The following ADGRA3 variants were observed in gnomAD, a reference collection of about 807,000 sequenced individuals.
ADGRA3 encodes the protein G-protein coupled receptor 125.
In ADGRA3, 56 loss-of-function variants were observed where a neutral mutation model predicts 119.8. The observed-to-expected ratio is 0.47, with a 90% CI of 0.38 to 0.58. The LOEUF (loss-of-function observed/expected upper bound fraction) is 0.58. ADGRA3 is among the 20% of genes least tolerant of loss of function. The probability of loss-of-function intolerance (pLI) is 0.00; values close to 1 mark genes in which losing one functional copy is unlikely to be tolerated. For missense variants in ADGRA3, 1,516 were observed against 1,649.0 expected, an observed-to-expected ratio of 0.92 and a Z score of 1.40; for synonymous variants, 607 against 623.8, an observed-to-expected ratio of 0.97 and a Z score of 0.40.
chr4:22,450,250 C>T (rs1716985652), intron 4 of ADGRA3, among the ~76,000 whole-genome samples: 1 of 151,510 alleles, frequency 6.6e-6, no homozygotes, highest in African/African-American at 2.4e-5. Context: ...ACCCACCCAC[C>T]CCCATCCTTT....
chr4:22,461,939 T>G, intron 2 of ADGRA3, 131 bp from the exon 3 acceptor site: 1 of 508,478 alleles, frequency 2.0e-6, no homozygotes, highest in Non-Finnish European at 3.5e-6. Context: ...CCAAAAGGGT[T>G]AAGCCAAGAT....
chr4:22,409,368 T>G (rs1322845346), intron 14 of ADGRA3, among the ~76,000 whole-genome samples: 1 of 152,136 alleles, frequency 6.6e-6, no homozygotes, highest in East Asian at 1.9e-4. Context: ...AACATAATAT[T>G]CAGAGATAAG....
chr4:22,401,359 C>A, intron 16 of ADGRA3, 72 bp downstream of exon 16: 1 of 1,358,748 alleles, frequency 7.4e-7, no homozygotes, highest in Non-Finnish European at 1.0e-6. Context: ...ATGATTTTTT[C>A]TTTTTATAGT....
chr4:22,410,709 A>G (rs1041715208), intron 14 of ADGRA3, among the ~76,000 whole-genome samples: 2 of 152,136 alleles, frequency 1.3e-5, no homozygotes, highest in African/African-American at 4.8e-5. Context: ...AATCCTAAAC[A>G]TAACTTTACC....
intron 15 of ADGRA3, among the ~76,000 whole-genome samples, chr4:22,402,106 T>C (rs1040022768): frequency 1.3e-5 from 2 of 152,212 alleles, no homozygotes; most frequent in Non-Finnish European, 2.9e-5. Context: ...AGACACATTC[T>C]AGCAAAACGT....
chr4:22,442,974 T>C, intron 6 of ADGRA3, 111 bp from the exon 7 acceptor site: 1 of 824,378 alleles, frequency 1.2e-6, no homozygotes, highest in Non-Finnish European at 2.0e-6. Flanking sequence ...CAAATATTCC[T>C]CAATAATCAG....
chr4:22,497,319 G>A (rs1045612062), intron 1 of ADGRA3, among the ~76,000 whole-genome samples: 1 of 151,842 alleles, frequency 6.6e-6, no homozygotes, highest in African/African-American at 2.4e-5. Flanking sequence ...GTATGTGTGT[G>A]TATTTGTATA....
At chr4:22,425,051 G>A (rs904978499) in intron 10 of ADGRA3, among the ~76,000 whole-genome samples, 2 of 150,478 alleles carry the variant, frequency 1.3e-5, no homozygotes, top group Non-Finnish European at 2.9e-5. Context: ...CTCTAGCCTG[G>A]ACAACAGAGT....
In ADGRA3 at chr4:22,388,917, T is replaced by C. The variant is rs1295299268; in HGVS notation, c.2754A>G (p.Gly918=). The change falls in exon 19 of 19, where the codon GGA becomes GGG. Residue 918 remains glycine, a synonymous_variant. Transcript: ENST00000334304. ...TGAAGCTGGCTGGCCCATAGAAGGC[T>C]CCCAAGGAGGGTTCCCATGCCATCC... ...YCWMAWEPSL[G]AFYGPASFIT... is the part of the protein sequence containing the mutation. 6.2e-7 allele frequency: 1 copy of C among 1,613,934 alleles called. No homozygotes were observed.
chr4:22,438,126 A>C, intron 8 of ADGRA3, 130 bp downstream of exon 8: 1 of 625,096 alleles, frequency 1.6e-6, no homozygotes, highest in Non-Finnish European at 2.8e-6. Context: ...TCATTATTCT[A>C]AAGGGTAGTC....
At chr4:22,512,707 C>T (rs952181076) in intron 1 of ADGRA3, among the ~76,000 whole-genome samples, 21 of 152,122 alleles carry the variant, frequency 1.4e-4, no homozygotes, top group African/African-American at 5.1e-4. Flanking sequence ...AGATGAGAGA[C>T]GCAAGCATGA....
At chr4:22,401,793 T>C (rs1484119960) in intron 15 of ADGRA3, among the ~76,000 whole-genome samples, 1 of 152,114 alleles carries the variant, frequency 6.6e-6, no homozygotes, top group African/African-American at 2.4e-5. Flanking sequence ...CAAAAAGCCA[T>C]TTATAGAACC....
intron 3 of ADGRA3, among the ~76,000 whole-genome samples, chr4:22,458,615 C>T (rs1032533045): frequency 2.0e-5 from 3 of 152,102 alleles, no homozygotes; most frequent in Non-Finnish European, 2.9e-5. Context: ...GAACTGACAC[C>T]GATCACCACC....
intron 1 of ADGRA3, among the ~76,000 whole-genome samples, chr4:22,475,276 A>G (rs1414067960): frequency 2.0e-5 from 3 of 152,188 alleles, no homozygotes; most frequent in East Asian, 1.9e-4. Context: ...GACATACTCA[A>G]TGAGTATCCA....
chr4:22,473,962 T>C (rs1717949381), intron 1 of ADGRA3, 119 bp from the exon 2 acceptor site: 3 of 549,398 alleles, frequency 5.5e-6, no homozygotes, highest in Non-Finnish European at 9.3e-6. Context: ...AGCCAGAATG[T>C]TTGAGATGGC....
chr4:22,476,306 C>T (rs1428199481), intron 1 of ADGRA3, among the ~76,000 whole-genome samples: 1 of 152,072 alleles, frequency 6.6e-6, no homozygotes, highest in African/African-American at 2.4e-5. Flanking sequence ...CATCCTGAGC[C>T]GGCACTCACC....
At chr4:22,451,485 C>G (rs1377320239) in intron 4 of ADGRA3, among the ~76,000 whole-genome samples, 1 of 151,994 alleles carries the variant, frequency 6.6e-6, no homozygotes, top group Non-Finnish European at 1.5e-5. Flanking sequence ...TTCTCTGAGA[C>G]AGTTCAAGAG....
intron 11 of ADGRA3, 96 bp from the exon 12 acceptor site, chr4:22,421,185 C>T: frequency 1.1e-6 from 1 of 918,876 alleles, no homozygotes; most frequent in Non-Finnish European, 1.7e-6. Context: ...TATGCATTAG[C>T]CAAACCAGAA....
intron 4 of ADGRA3, among the ~76,000 whole-genome samples, chr4:22,453,394 T>C (rs1202679640): frequency 1.3e-5 from 2 of 152,102 alleles, no homozygotes; most frequent in African/African-American, 2.4e-5. Context: ...TCAGGCCATA[T>C]ACCTTTCCCT....
Sources: allele counts gnomAD v4.1 joint callset (sites outside exome capture counted in the v4.1 genomes callset), GRCh38; gene constraint gnomAD v4.1.1; transcripts MANE v1.5; gene names NCBI Gene and HGNC (gene_info 2026-07-23, HGNC 2026-07-21).